The following CACNA1A variants were observed in gnomAD, a reference collection of about 807,000 sequenced individuals.
CACNA1A encodes the protein calcium voltage-gated channel subunit alpha1 A.
A neutral mutation model predicts 262.4 loss-of-function variants in CACNA1A; 57 were observed. The observed-to-expected ratio is 0.22, with a 90% CI of 0.18 to 0.27. The LOEUF (loss-of-function observed/expected upper bound fraction) is 0.27, where lower values mean the gene tolerates loss of function less well. Among genes scored for constraint, CACNA1A ranks in the 10% least tolerant of loss-of-function variants. The pLI, the probability that CACNA1A is intolerant of heterozygous loss-of-function variation, is 1.00. For missense variants in CACNA1A, 2,526 were observed against 3,562.8 expected (o/e 0.71, Z 7.41); for synonymous variants, 1,431 against 1,419.3 (o/e 1.01, Z -0.18).
At chr19:13,274,043 T>C (rs952721110) in intron 24 of CACNA1A, 3 of 151,954 alleles carry the variant, frequency 2.0e-5, no homozygotes, top group Non-Finnish European at 4.4e-5. Context: ...CCACCGTGCA[T>C]TGCTCTAGTA....
At chr19:13,285,011 C>T (rs1437348709) in intron 21 of CACNA1A, 57 bp downstream of exon 21, 6 of 1,601,406 alleles carry the variant, frequency 3.7e-6, no homozygotes, top group Non-Finnish European at 5.1e-6. Context: ...GGCCTGACTT[C>T]CGCCACCCTG....
chr19:13,212,006 G>T lies in CACNA1A; in HGVS notation c.6303+97C>A. The stretch of plus-strand genomic sequence containing the variant: ...GAGTCCCTACCCAGGCCTGAGTCCG[G>T]CAGGGAGGGGATGCACTGGGCTGCT... On this transcript the variant is annotated intron_variant, in intron 43 of 46. Coordinates refer to ENST00000360228, the MANE Select transcript of CACNA1A (RefSeq NM_001127222.2). This position sits in a 1 kb window ranked among gnomAD's most constrained non-coding sequence, Gnocchi z 5.6. 1.3e-6 allele frequency: 1 copy of T among 758,380 alleles called. No individual in the cohort carries two copies. Among genetic ancestry groups the T allele is most frequent in the South Asian group, 1.6e-5 (1 of 61,428 alleles). 47.0% of individuals were successfully genotyped at this position (758,380 alleles called of 1,614,324 possible).
At chr19:13,379,304 A>AT (rs971936593) in intron 3 of CACNA1A, among the ~76,000 whole-genome samples, 42 of 151,228 alleles carry the variant, frequency 2.8e-4, no homozygotes, top group African/African-American at 9.4e-4. Context: ...AGGTATGTAC[A>AT]TTTTTTTTTA....
At chr19:13,350,958 AT>A (rs2058896716) in intron 6 of CACNA1A, among the ~76,000 whole-genome samples, 1 of 152,194 alleles carries the variant, frequency 6.6e-6, no homozygotes, top group South Asian at 2.1e-4. Context: ...CTATGATTGC[AT>A]CATCGCACTC....
At chr19:13,341,975 G>T (rs2058683108) in intron 6 of CACNA1A, among the ~76,000 whole-genome samples, 1 of 152,178 alleles carries the variant, frequency 6.6e-6, no homozygotes, top group Non-Finnish European at 1.5e-5. Context: ...TGAGAGGTGT[G>T]TCCAAGTTCC....
chr19:13,310,176 C>T (rs1040578916), intron 12 of CACNA1A, among the ~76,000 whole-genome samples: 1 of 151,774 alleles, frequency 6.6e-6, no homozygotes, highest in Non-Finnish European at 1.5e-5. Context: ...CAGTTTAAGG[C>T]GGGGCGTGGT....
At chr19:13,254,403 C>G (rs2056487155) in intron 29 of CACNA1A, among the ~76,000 whole-genome samples, 1 of 151,144 alleles carries the variant, frequency 6.6e-6, no homozygotes, top group East Asian at 1.9e-4. Flanking sequence ...GCTCTTGTTG[C>G]CCAGGCTAGA....
rs1010679999 is a variant in CACNA1A, at chr19:13,361,804, A to T, written c.785-2005T>A. On this transcript the variant is annotated intron_variant, in intron 5 of 46. Transcript: ENST00000360228. ...GTTGGAAGGCAAAAATCTTTTAAAC[A>T]TAAGGCTCAGGGCAGAGAACAAAAT... Among the ~76,000 whole-genome samples, 5 of 152,226 alleles carry T rather than the reference A, an allele frequency of 3.3e-5. No individual in the cohort carries two copies. The East Asian group carries it at 9.6e-4, about 29-fold the overall frequency.
intron 30 of CACNA1A, among the ~76,000 whole-genome samples, chr19:13,250,987 C>T (rs926157743): frequency 1.3e-5 from 2 of 150,798 alleles, no homozygotes; most frequent in Admixed American, 6.6e-5. Flanking sequence ...TAAAAATTAG[C>T]CTGGCATGCT....
rs1982995548 is a variant in CACNA1A at position 13,506,028 on chromosome 19, G to C, written c.197C>G (p.Pro66Arg). 6.2e-7 allele frequency: 1 copy of C among 1,613,998 alleles called. No individual in the cohort carries two copies. The highest frequency in any genetic ancestry group is 8.5e-7 in the Non-Finnish European group (1 of 1,179,886). ...AACCGTGAGGCAGTTCTGTCGGACGGGGATGGGGTTGTAGAGTGCCATGGT... is the reference window on the plus strand; with the variant it reads ...AACCGTGAGGCAGTTCTGTCGGACGCGGATGGGGTTGTAGAGTGCCATGGT... ...ARTMALYNPI[P>R]VRQNCLTVNR... Residue 66 changes from proline (P) to arginine (R), a missense_variant, in exon 1 of 47, where the codon CCC becomes CGC. Physicochemically the swap from Pro to Arg is moderately radical, Grantham distance 103. This residue lies in a region of CACNA1A where 77 missense variants were observed against 228.4 expected (regional missense o/e 0.34). Coordinates refer to ENST00000360228, the MANE Select transcript of CACNA1A (RefSeq NM_001127222.2).
chr19:13,238,214 C>T (rs2055944030), intron 31 of CACNA1A, among the ~76,000 whole-genome samples: 1 of 152,298 alleles, frequency 6.6e-6, no homozygotes, highest in East Asian at 1.9e-4. Flanking sequence ...CCTCTTCCTG[C>T]CTTCCACATT....
intron 24 of CACNA1A, among the ~76,000 whole-genome samples, chr19:13,267,943 G>A (rs1398068039): frequency 6.6e-6 from 1 of 151,854 alleles, no homozygotes. Flanking sequence ...TCCATTTTTT[G>A]TAGAGACGGG....
rs189286169 is a variant in CACNA1A at position 13,468,117 on chromosome 19, C to T, written c.294-12905G>A. 1.7e-3 allele frequency among the ~76,000 whole-genome samples: 255 copies of T among 151,564 alleles called. 2 individuals carry two copies. Among genetic ancestry groups the T allele is most frequent in the African/African-American group, 6.0e-3 (246 of 41,294 alleles). On this transcript the variant is annotated intron_variant, in intron 1 of 46. Coordinates refer to ENST00000360228, the MANE Select transcript of CACNA1A (RefSeq NM_001127222.2). ...AAATACACAAAAGTAAAATAAAGAT[C>T]CCTTGATGAAAACAGAAAGAAAAAA...
chr19:13,366,409 T>G (rs1051634967), intron 4 of CACNA1A: 1 of 152,126 alleles, frequency 6.6e-6, no homozygotes, highest in Non-Finnish European at 1.5e-5. Context: ...GAGCTATGAT[T>G]GTGCCACTGC....
intron 30 of CACNA1A, chr19:13,252,736 C>A: frequency 3.5e-6 from 1 of 288,046 alleles, no homozygotes; most frequent in East Asian, 5.9e-5. Flanking sequence ...AGACTCCCAG[C>A]CATGATGACT....
chr19:13,221,234 C>CTTT (rs57377809), intron 38 of CACNA1A, among the ~76,000 whole-genome samples: 1 of 36,304 alleles, frequency 2.8e-5, no homozygotes, highest in African/African-American at 1.5e-4. Context: ...TTCTTTCTTT[C>CTTT]TTTTTTTTTT....
intron 6 of CACNA1A, among the ~76,000 whole-genome samples, chr19:13,343,949 G>C: frequency 6.6e-6 from 1 of 152,146 alleles, no homozygotes; most frequent in East Asian, 1.9e-4. Flanking sequence ...GGTGGCTCAC[G>C]CCTCTCATCC....
In CACNA1A at chr19:13,208,953, G is replaced by C. The variant is rs1463901630; in HGVS notation, c.6583C>G (p.Arg2195Gly). The change falls in exon 46 of 47, where the codon CGG becomes GGG. Residue 2195 changes from arginine (R) to glycine (G), a missense_variant. Transcript: ENST00000360228. ...TQSGDLPSKE[R>G]DQERGRPKDR... ...TTGGGCCGGCCCCGCTCCTGGTCCC[G>C]CTCCTTCGACGGCAGGTCCCCGGAT... 3.3e-6 allele frequency: 5 copies of C among 1,537,470 alleles called. No homozygotes were observed. The highest frequency in any genetic ancestry group is 4.4e-6 in the Non-Finnish European group (5 of 1,146,898).
chr19:13,302,533 T>C (rs1052822022), intron 17 of CACNA1A, among the ~76,000 whole-genome samples: 6 of 152,206 alleles, frequency 3.9e-5, no homozygotes, highest in Admixed American at 2.6e-4. Flanking sequence ...AAGAAATGCT[T>C]GTAGGATCAA....
Sources: allele counts gnomAD v4.1 joint callset (sites outside exome capture counted in the v4.1 genomes callset), GRCh38; gene constraint gnomAD v4.1.1; regional missense constraint gnomAD v4.1.1; non-coding constraint Gnocchi (gnomAD v3.1); transcripts MANE v1.5; gene names NCBI Gene and HGNC (gene_info 2026-07-23, HGNC 2026-07-21).